Variants in AFG2A observed in about 807,000 individuals in gnomAD.
AFG2A encodes the protein AAA ATPase AFG2A.
At chr4:123,276,448 G>A in the AFG2A span, among the ~76,000 whole-genome samples, 2 of 152,060 alleles carry the variant, frequency 1.3e-5, no homozygotes, top group Non-Finnish European at 2.9e-5. Flanking sequence ...TTACTCTGTC[G>A]ATAGTTTCCT....
At chr4:123,225,461 C>T in the AFG2A span, among the ~76,000 whole-genome samples, 124 of 152,132 alleles carry the variant, frequency 8.2e-4, 1 homozygote, top group African/African-American at 2.8e-3. Flanking sequence ...CATTTATTAA[C>T]TAAGGAATCC....
the AFG2A span, among the ~76,000 whole-genome samples, chr4:123,102,837 T>G: frequency 6.7e-6 from 1 of 148,656 alleles, no homozygotes; most frequent in South Asian, 2.1e-4. Context: ...TGTGTGTGTG[T>G]GGTGTCAAAA....
chr4:122,995,170 A>T, the AFG2A span, among the ~76,000 whole-genome samples: 1 of 151,930 alleles, frequency 6.6e-6, no homozygotes, highest in Non-Finnish European at 1.5e-5. Flanking sequence ...TTTATATTTT[A>T]TTTTTTTACA....
At chr4:123,168,588 T>TA in the AFG2A span, among the ~76,000 whole-genome samples, 25 of 152,242 alleles carry the variant, frequency 1.6e-4, no homozygotes, top group East Asian at 1.5e-3. Context: ...GAAATGATGA[T>TA]AAAAAATTGT....
the AFG2A span, among the ~76,000 whole-genome samples, chr4:123,132,145 C>A: frequency 2.0e-5 from 3 of 152,088 alleles, no homozygotes; most frequent in East Asian, 5.8e-4. Context: ...AATTGCATAT[C>A]TTTAGAGTGT....
the AFG2A span, among the ~76,000 whole-genome samples, chr4:123,292,350 AT>A: frequency 1.3e-5 from 2 of 151,972 alleles, no homozygotes; most frequent in African/African-American, 4.8e-5. Context: ...AGCATTTTGA[AT>A]TTTTTTATCT....
At chr4:123,295,766 G>T in the AFG2A span, among the ~76,000 whole-genome samples, 1 of 152,202 alleles carries the variant, frequency 6.6e-6, no homozygotes, top group Non-Finnish European at 1.5e-5. Flanking sequence ...TACAAAATTA[G>T]CCAGGCATGG....
the AFG2A span, among the ~76,000 whole-genome samples, chr4:123,214,014 C>G: frequency 3.3e-5 from 5 of 152,200 alleles, no homozygotes; most frequent in East Asian, 9.7e-4. Context: ...AGTAATGTAT[C>G]AGTTATTTTG....
chr4:123,275,880 C>T, the AFG2A span, among the ~76,000 whole-genome samples: 1 of 152,064 alleles, frequency 6.6e-6, no homozygotes, highest in Non-Finnish European at 1.5e-5. Context: ...AATTTCTTTA[C>T]CCAATCTACT....
chr4:123,153,778 A>G, the AFG2A span, among the ~76,000 whole-genome samples: 2 of 152,186 alleles, frequency 1.3e-5, no homozygotes, highest in South Asian at 2.1e-4. Context: ...ACCAGTGATA[A>G]AAAGAAAACT....
the AFG2A span, among the ~76,000 whole-genome samples, chr4:122,924,284 A>G: frequency 0.045 from 6,777 of 152,224 alleles, 298 homozygotes; most frequent in South Asian, 0.15. Context: ...CCGTCTCTCT[A>G]TCCATTGCCA....
the AFG2A span, among the ~76,000 whole-genome samples, chr4:123,153,006 C>G: frequency 6.6e-6 from 1 of 152,182 alleles, no homozygotes; most frequent in Admixed American, 6.5e-5. Context: ...TTCCCAATAA[C>G]AACCACATGT....
chr4:123,310,536 C>T, the AFG2A span, among the ~76,000 whole-genome samples: 1 of 152,158 alleles, frequency 6.6e-6, no homozygotes, highest in Non-Finnish European at 1.5e-5. Flanking sequence ...ACACTAAAGC[C>T]CTTTCCATTT....
chr4:122,991,554 C>T, the AFG2A span, among the ~76,000 whole-genome samples: 96 of 152,242 alleles, frequency 6.3e-4, no homozygotes, highest in African/African-American at 2.0e-3. Flanking sequence ...TGTTTTAAGT[C>T]GCTAATTTTT....
chr4:123,185,872 C>T, the AFG2A span, among the ~76,000 whole-genome samples: 2 of 150,632 alleles, frequency 1.3e-5, no homozygotes, highest in Non-Finnish European at 2.9e-5. Context: ...GCCTGAGCAA[C>T]AGAGCGAGAC....
chr4:122,931,450 T>C, the AFG2A span, among the ~76,000 whole-genome samples: 1 of 152,156 alleles, frequency 6.6e-6, no homozygotes, highest in Non-Finnish European at 1.5e-5. Context: ...GAAATACGTA[T>C]GTGTGTGTAT....
chr4:123,109,427 G>A, the AFG2A span, among the ~76,000 whole-genome samples: 34 of 152,098 alleles, frequency 2.2e-4, no homozygotes, highest in African/African-American at 8.0e-4. Flanking sequence ...AGACGGTATG[G>A]CTGACAAGCT....
chr4:123,290,161 T>C, the AFG2A span, among the ~76,000 whole-genome samples: 1 of 152,236 alleles, frequency 6.6e-6, no homozygotes, highest in African/African-American at 2.4e-5. Context: ...CTGTTCACTC[T>C]CTTGATAATT....
chr4:123,065,905 A>G, the AFG2A span, among the ~76,000 whole-genome samples: 3 of 152,156 alleles, frequency 2.0e-5, no homozygotes, highest in African/African-American at 7.2e-5. Flanking sequence ...AAAGCTTTAT[A>G]TAATGTATTG....
Sources: allele counts gnomAD v4.1 joint callset (sites outside exome capture counted in the v4.1 genomes callset), GRCh38; gene constraint gnomAD v4.1.1; transcripts MANE v1.5; gene names NCBI Gene and HGNC (gene_info 2026-07-23, HGNC 2026-07-21).